Variants in MTMR2 observed in about 807,000 individuals in gnomAD.
MTMR2 encodes myotubularin related protein 2.
A neutral mutation model predicts 86.9 loss-of-function variants in MTMR2; 55 were observed. The observed-to-expected ratio is 0.63, with a 90% CI of 0.51 to 0.79. The LOEUF is 0.79. MTMR2 is among the 30% of genes least tolerant of loss of function. The pLI is 0.00. For synonymous variants in MTMR2, 241 were observed against 266.8 expected, an observed-to-expected ratio of 0.90 and a Z score of 0.94; for missense variants, 659 against 772.3, an observed-to-expected ratio of 0.85 and a Z score of 1.74.
intron 1 of MTMR2, among the ~76,000 whole-genome samples, chr11:95,889,339 G>A (rs945064399): frequency 2.0e-5 from 3 of 151,770 alleles, no homozygotes; most frequent in Non-Finnish European, 4.4e-5. Flanking sequence ...CACCATGTTG[G>A]CCAGGCTGGT....
At chr11:95,905,331 G>GCGCGCGCGCACACA (rs928252045) in intron 1 of MTMR2, among the ~76,000 whole-genome samples, 1 of 147,992 alleles carries the variant, frequency 6.8e-6, no homozygotes, top group South Asian at 2.2e-4. Context: ...ACGCACCTGC[G>GCGCGCGCGCACACA]CACACACACA....
At chr11:95,885,107 T>A (rs1033213987) in intron 2 of MTMR2, among the ~76,000 whole-genome samples, 1 of 152,118 alleles carries the variant, frequency 6.6e-6, no homozygotes, top group Non-Finnish European at 1.5e-5. Context: ...AGAGCTGATG[T>A]ATAAATTTGA....
At position 95,836,224 on chromosome 11, in the gene MTMR2, T is replaced by A. The variant is rs200717440; in HGVS notation, c.1694A>T (p.Tyr565Phe). 1.7e-5 allele frequency: 27 copies of A among 1,612,930 alleles called. 1 individual carries two copies. The East Asian group carries it at 6.0e-4, about 36-fold the overall frequency. ...TAGGTGGCGCATGCTGGCTACTGGA[T>A]AAAGGACATGATTGGAATAGCTCCC... Reference protein sequence around the residue: ...LYGSYSNHVLYPVASMRHLEL... With the variant: ...LYGSYSNHVLFPVASMRHLEL... The change falls in exon 14 of 15, where the codon TAT becomes TTT. Residue 565 changes from tyrosine (Y) to phenylalanine (F), a missense_variant. Coordinates refer to ENST00000346299, the MANE Select transcript of MTMR2 (RefSeq NM_016156.6).
intron 2 of MTMR2, among the ~76,000 whole-genome samples, chr11:95,876,377 C>T (rs1056351264): frequency 3.3e-5 from 5 of 152,130 alleles, no homozygotes; most frequent in African/African-American, 1.2e-4. Context: ...GTTACATAAC[C>T]CTCAGATATG....
At chr11:95,858,258 G>A (rs1034177465) in intron 6 of MTMR2, among the ~76,000 whole-genome samples, 1 of 152,068 alleles carries the variant, frequency 6.6e-6, no homozygotes, top group African/African-American at 2.4e-5. Context: ...AAGACAACAG[G>A]TAACTTTTCA....
rs1303205956 is a variant in MTMR2 at position 95,834,839 on chromosome 11, A to ATC, written c.*449_*450dup. ...AAAAACCTAGAATGGAGAAAGGGAT[A>ATC]TCAAATGATTTTGATCTGTCATGAC... On this transcript the variant is annotated 3_prime_UTR_variant, in exon 15 of 15. Coordinates refer to ENST00000346299, the MANE Select transcript of MTMR2 (RefSeq NM_016156.6). The ATC allele has an allele frequency of 1.2e-5, 2 of 173,460 alleles. No individual in the cohort carries two copies. Among genetic ancestry groups the ATC allele is most frequent in the African/African-American group, 4.8e-5 (2 of 41,898 alleles). The allele number at this position is 173,460 out of a possible 1,614,324, so 10.7% of individuals were successfully genotyped here. A position where few individuals can be genotyped will look rare whatever the true frequency, so the allele number is the denominator to read the frequency against.
At chr11:95,868,242 C>T (rs113474208) in intron 2 of MTMR2, among the ~76,000 whole-genome samples, 4,123 of 129,704 alleles carry the variant, frequency 0.032, 110 homozygotes, top group South Asian at 0.075. Context: ...CACTGCACTC[C>T]AGCCTAGGCA....
At chr11:95,861,538 C>T (rs981192839) in intron 5 of MTMR2, among the ~76,000 whole-genome samples, 4 of 151,804 alleles carry the variant, frequency 2.6e-5, no homozygotes, top group Non-Finnish European at 5.9e-5. Context: ...ATTCTCCTGC[C>T]TCAGCCTCCC....
Position 95,844,972 on chromosome 11 carries a change from A to C in MTMR2, c.1367T>G (p.Phe456Cys). 6.2e-7 allele frequency: 1 copy of C among 1,613,694 alleles called. No individual in the cohort carries two copies. Among genetic ancestry groups the C allele is most frequent in the Middle Eastern group, 1.7e-4 (1 of 6,056 alleles). ...EVLVEKEWLS[F>C]GHRFQLRVGH... ...ACTTACTAGTTGAAATCGATGTCCA[A>C]AACTTAGCCATTCTTTCTCCACAAG... Residue 456 changes from phenylalanine to cysteine, a missense_variant, in exon 11 of 15, where the codon TTT becomes TGT. Physicochemically the swap from Phe to Cys is radical, Grantham distance 205 (BLOSUM62 -2). Transcript: ENST00000346299.
chr11:95,923,198 G>A (rs10765775), intron 1 of MTMR2, among the ~76,000 whole-genome samples: 52,244 of 151,828 alleles, frequency 0.34, 9,363 homozygotes, highest in Non-Finnish European at 0.39. Flanking sequence ...AGAACCAGTA[G>A]CCCAAGAAGG....
intron 1 of MTMR2, among the ~76,000 whole-genome samples, chr11:95,900,113 G>A (rs1866017330): frequency 1.3e-5 from 2 of 152,120 alleles, no homozygotes; most frequent in South Asian, 4.1e-4. Flanking sequence ...GACAAAGATA[G>A]AAAATATAGA....
At chr11:95,889,645 C>T (rs1425783749) in intron 1 of MTMR2, among the ~76,000 whole-genome samples, 1 of 152,004 alleles carries the variant, frequency 6.6e-6, no homozygotes, top group Non-Finnish European at 1.5e-5. Context: ...CATGGGCTAC[C>T]GTGCTCAAGC....
intron 1 of MTMR2, chr11:95,914,216 A>G: frequency 1.0e-6 from 1 of 985,778 alleles, no homozygotes; most frequent in Non-Finnish European, 1.2e-6. Context: ...GTCCATTTTT[A>G]TATCTGCATT....
In MTMR2 at chr11:95,862,056, A is replaced by G. The variant is rs1864439728; in HGVS notation, c.404T>C (p.Val135Ala). ...LDASLGVINR[V>A]EKIGGASSRG... ...ACTAGAAGCACCACCAATTTTTTCT[A>G]CTCTATTTATCACACCAAGGGAAGC... The change falls in exon 5 of 15, where the codon GTA becomes GCA. Residue 135 changes from valine to alanine, a missense_variant. This residue lies in a region of MTMR2 where 387 missense variants were observed against 526.3 expected (regional missense o/e 0.74). Coordinates refer to ENST00000346299, the MANE Select transcript of MTMR2 (RefSeq NM_016156.6). The G allele has an allele frequency of 1.2e-6, 2 of 1,613,900 alleles. No individual in the cohort carries two copies. The highest frequency in any genetic ancestry group is 1.7e-6 in the Non-Finnish European group (2 of 1,179,902).
chr11:95,907,474 C>A (rs748902167), intron 1 of MTMR2, among the ~76,000 whole-genome samples: 2 of 151,852 alleles, frequency 1.3e-5, no homozygotes, highest in Admixed American at 6.6e-5. Flanking sequence ...AAACTATTCC[C>A]CCCAAAAAAA....
At chr11:95,894,127 G>T (rs923990621) in intron 1 of MTMR2, among the ~76,000 whole-genome samples, 1 of 152,112 alleles carries the variant, frequency 6.6e-6, no homozygotes, top group Non-Finnish European at 1.5e-5. Flanking sequence ...TCATGCCTCT[G>T]TGCCTTTGAT....
At chr11:95,856,733 T>C (rs1420107897) in intron 7 of MTMR2, among the ~76,000 whole-genome samples, 1 of 152,060 alleles carries the variant, frequency 6.6e-6, no homozygotes, top group Non-Finnish European at 1.5e-5. Flanking sequence ...CTCTTTTCTT[T>C]AGACACCTGC....
chr11:95,866,012 GT>G (rs1443840938), intron 2 of MTMR2, among the ~76,000 whole-genome samples: 2 of 152,170 alleles, frequency 1.3e-5, no homozygotes, highest in African/African-American at 2.4e-5. Context: ...GCCGAAAGTG[GT>G]AATTAGTTCA....
At chr11:95,923,598 A>C in intron 1 of MTMR2, 1 of 1,191,270 alleles carries the variant, frequency 8.4e-7, no homozygotes, top group Non-Finnish European at 1.1e-6. Context: ...GAAAGACAGG[A>C]GAAAGTAATT....
Sources: allele counts gnomAD v4.1 joint callset (sites outside exome capture counted in the v4.1 genomes callset), GRCh38; gene constraint gnomAD v4.1.1; regional missense constraint gnomAD v4.1.1; transcripts MANE v1.5; gene names NCBI Gene and HGNC (gene_info 2026-07-23, HGNC 2026-07-21).